Variants in INPP5J observed in about 807,000 individuals in gnomAD.
The protein encoded by INPP5J is phosphatidylinositol 4,5-bisphosphate 5-phosphatase A.
A neutral mutation model predicts 86.6 loss-of-function variants in INPP5J; 75 were observed. The ratio of observed to expected loss-of-function variants is 0.87; its 90% CI spans 0.72 to 1.05. The LOEUF is 1.05. Among genes scored for constraint, INPP5J ranks in the 50% least tolerant of loss-of-function variants. INPP5J has a pLI of 0.00. For synonymous variants in INPP5J, 540 were observed against 550.0 expected, an observed-to-expected ratio of 0.98 and a Z score of 0.25; for missense variants, 1,229 against 1,341.2, an observed-to-expected ratio of 0.92 and a Z score of 1.31.
intron 9 of INPP5J, among the ~76,000 whole-genome samples, chr22:31,129,186 T>A (rs924539631): frequency 3.5e-5 from 5 of 142,792 alleles, no homozygotes; most frequent in African/African-American, 1.3e-4. Flanking sequence ...CACCTTGGCC[T>A]CCCAAAGTGC....
In INPP5J at chr22:31,125,820, T is replaced by G. The variant is rs1395958083; in HGVS notation, c.1081T>G (p.Cys361Gly). The G allele has an allele frequency of 1.9e-6, 3 of 1,602,768 alleles. No homozygotes were observed. The African/African-American group carries it at 4.0e-5, about 22-fold the overall frequency. The change falls in exon 2 of 13, where the codon TGT becomes GGT. Residue 361 changes from cysteine to glycine, a missense_variant. Physicochemically the swap from Cys to Gly is radical, Grantham distance 159. Coordinates refer to ENST00000331075, the MANE Select transcript of INPP5J (RefSeq NM_001284285.2). ...SPSHSPNRSP[C>G]VPPAPDMALP... ...AAGCCACTCCCCGAATCGCTCTCCCTGTGTTCCCCCAGCCCCTGACATGGC... is the reference window on the plus strand; with the variant it reads ...AAGCCACTCCCCGAATCGCTCTCCCGGTGTTCCCCCAGCCCCTGACATGGC...
Position 31,133,192 on chromosome 22 carries a change from C to G in INPP5J, c.2288C>G (p.Thr763Arg), listed in dbSNP as rs1345485935. The change falls in exon 10 of 13, where the codon ACA becomes AGA. Residue 763 changes from threonine (T) to arginine (R), a missense_variant. Transcript: ENST00000331075. The stretch of plus-strand genomic sequence containing the variant: ...GCGGTGGTGAGGTACCGCATGGAAA[C>G]AGTGTTCGCCCGCAGCTCCTGGGAC... ...EQAVVRYRME[T>R]VFARSSWDWI... 3.7e-6 allele frequency: 6 copies of G among 1,600,442 alleles called. No individual in the cohort carries two copies. The highest frequency in any genetic ancestry group is 5.1e-6 in the Non-Finnish European group (6 of 1,174,418).
chr22:31,126,836 G>A, intron 4 of INPP5J, 85 bp from the exon 5 acceptor site: 1 of 1,404,982 alleles, frequency 7.1e-7, no homozygotes, highest in Admixed American at 1.7e-5. Context: ...CCGTGACATG[G>A]GTGGGTGGAG....
chr22:31,127,473 G>C lies in INPP5J; in HGVS notation c.1728G>C (p.Gln576His). ...CGGAGCAGCGCAAAGACAACTTCCAGACCATCCTCAGCCTCCAGCAGTTCC... is the reference window on the plus strand; with the variant it reads ...CGGAGCAGCGCAAAGACAACTTCCACACCATCCTCAGCCTCCAGCAGTTCC... ...DKAEQRKDNFQTILSLQQFQG... is the reference protein window; with the variant it reads ...DKAEQRKDNFHTILSLQQFQG... Residue 576 changes from glutamine (Q) to histidine (H), a missense_variant, in exon 6 of 13, where the codon CAG (glutamine) becomes CAC (histidine). Physicochemically the swap from Gln to His is conservative, Grantham distance 24. Coordinates refer to ENST00000331075, the MANE Select transcript of INPP5J (RefSeq NM_001284285.2). 1 of 1,613,826 alleles carries C rather than the reference G, an allele frequency of 6.2e-7. No homozygotes were observed. The highest frequency in any genetic ancestry group is 2.2e-5 in the East Asian group (1 of 44,866).
intron 1 of INPP5J, chr22:31,124,121 C>A: frequency 4.1e-6 from 1 of 244,908 alleles, no homozygotes; most frequent in Non-Finnish European, 6.5e-6. Context: ...GAACCCTAGA[C>A]CCCATCCCTT....
In INPP5J at chr22:31,125,587, C is replaced by G. The variant is rs1187016254; in HGVS notation, c.848C>G (p.Ala283Gly). Residue 283 changes from alanine to glycine, a missense_variant, in exon 2 of 13, where the codon GCC becomes GGC. Coordinates refer to ENST00000331075, the MANE Select transcript of INPP5J (RefSeq NM_001284285.2). Reference protein sequence around the residue: ...PDPRLSPSFRARPEALHSSPE... With the variant: ...PDPRLSPSFRGRPEALHSSPE... The stretch of plus-strand genomic sequence containing the variant: ...CCTCGGCTCTCCCCCTCCTTCCGAG[C>G]CCGGCCTGAGGCCCTCCACAGCAGC... 2 of 1,550,424 alleles carry G rather than the reference C, an allele frequency of 1.3e-6. No individual in the cohort carries two copies. The highest frequency in any genetic ancestry group is 2.7e-5 in the African/African-American group (2 of 73,042).
At chr22:31,128,355 A>G (rs374540168) in intron 8 of INPP5J, 32 bp downstream of exon 8, 8 of 1,566,192 alleles carry the variant, frequency 5.1e-6, no homozygotes, top group Admixed American at 1.9e-5. Flanking sequence ...ACTGAGGGGA[A>G]GTGGGCTGAG....
rs368818700 is a variant in INPP5J, at chr22:31,127,565, G to A, written c.1787+33G>A. On this transcript the variant is annotated intron_variant, in intron 6 of 12. Coordinates refer to ENST00000331075, the MANE Select transcript of INPP5J (RefSeq NM_001284285.2). The stretch of plus-strand genomic sequence containing the variant: ...CTGGGGTGGGGCCAAATAGAGCTTG[G>A]GTGGGGCTAGTGATGGGGGTTTTTG... 4.3e-5 allele frequency: 68 copies of A among 1,589,722 alleles called. No homozygotes were observed. In the African/African-American group the frequency reaches 7.8e-4, roughly 18 times the overall value.
At chr22:31,124,042 C>G (rs1190468479) in intron 1 of INPP5J, 1 of 153,088 alleles carries the variant, frequency 6.5e-6, no homozygotes, top group Admixed American at 6.5e-5. Context: ...AGATGGAATT[C>G]TAGCAAATGT....
At position 31,133,644 on chromosome 22, in the gene INPP5J, A is replaced by G. The variant is rs1922298511; in HGVS notation, c.2444A>G (p.His815Arg). The change falls in exon 12 of 13, where the codon CAT becomes CGT. Residue 815 changes from histidine to arginine, a missense_variant. By Grantham distance (29) the His-to-Arg change is conservative (BLOSUM62 0). Transcript: ENST00000331075. ...AGTGAGGAATCACTGCCCAAGGGCC[A>G]TGGAGACTTCATCCTGGGCTACTAT... ...TFSEESLPKG[H>R]GDFILGYYSH... 1.3e-5 allele frequency: 21 copies of G among 1,612,876 alleles called. No individual in the cohort carries two copies. The highest frequency in any genetic ancestry group is 1.7e-5 in the Non-Finnish European group (20 of 1,179,528).
chr22:31,128,936 T>TC (rs1176219043), intron 9 of INPP5J, among the ~76,000 whole-genome samples: 75 of 144,510 alleles, frequency 5.2e-4, no homozygotes, highest in African/African-American at 1.9e-3. Flanking sequence ...TCTTTTTTTT[T>TC]TTTTTTTTTT....
intron 4 of INPP5J, 57 bp downstream of exon 4, chr22:31,126,778 G>A: frequency 6.6e-7 from 1 of 1,523,964 alleles, no homozygotes. Context: ...CCTGGCTCCA[G>A]CTGTACCCTG....
intron 4 of INPP5J, 77 bp downstream of exon 4, chr22:31,126,798 G>GAGGCCCAGC: frequency 6.9e-7 from 1 of 1,456,390 alleles, no homozygotes; most frequent in Non-Finnish European, 9.6e-7. Context: ...GGCTCACTGT[G>GAGGCCCAGC]GGGCCCGCTG....
rs1272515527 is a variant in INPP5J at position 31,134,338 on chromosome 22, T to A, written c.2940T>A (p.Asp980Glu). 1 of 1,544,928 alleles carries A rather than the reference T, an allele frequency of 6.5e-7. No homozygotes were observed. The highest frequency in any genetic ancestry group is 8.7e-7 in the Non-Finnish European group (1 of 1,145,574). Residue 980 changes from aspartate (D) to glutamate (E), a missense_variant, in exon 13 of 13, where the codon GAT becomes GAA. Coordinates refer to ENST00000331075, the MANE Select transcript of INPP5J (RefSeq NM_001284285.2). Reference sequence around the variant, plus strand: ...GTGGTGGTGGCTCCTGGGGACCTGATCGGGAGGCCCTGGCGCCCAACAGCC... The same window carrying A: ...GTGGTGGTGGCTCCTGGGGACCTGAACGGGAGGCCCTGGCGCCCAACAGCC... The part of the protein sequence containing the change: ...DPGGGGSWGP[D>E]REALAPNSLS...
chr22:31,129,344 G>C (rs1359499065), intron 9 of INPP5J, among the ~76,000 whole-genome samples: 1 of 148,246 alleles, frequency 6.7e-6, no homozygotes, highest in Non-Finnish European at 1.5e-5. Flanking sequence ...GGGTCCAAGC[G>C]ATTCTCCCGT....
At position 31,128,319 on chromosome 22, in the gene INPP5J, A is replaced by G. The variant is rs1398931567; in HGVS notation, c.2005A>G (p.Thr669Ala). The G allele has an allele frequency of 3.1e-6, 5 of 1,590,618 alleles. No individual in the cohort carries two copies. The highest frequency in any genetic ancestry group is 4.3e-6 in the Non-Finnish European group (5 of 1,167,854). The change falls in exon 8 of 13, where the codon ACC (threonine) becomes GCC (alanine). Residue 669 changes from threonine to alanine, a missense_variant. Transcript: ENST00000331075. ...TGATGTGGGTACCAACAAATACGAT[A>G]CCAGGTGAGCTCAGTCCGAGGAGGG... Reference protein sequence around the residue: ...KFDVGTNKYDTSAKKRKPAWT... With the variant: ...KFDVGTNKYDASAKKRKPAWT...
Position 31,133,441 on chromosome 22 carries a change from T to A in INPP5J, c.2367T>A (p.Tyr789Ter). The stretch of plus-strand genomic sequence containing the variant: ...GCCATTGCAAGGACTATGTGGCTTA[T>A]GTCTGGGCCAAACATGAAGATGTGG... ...GFRHCKDYVA[Y>*]VWAKHEDVDG... is the part of the protein sequence containing the mutation. Residue 789 changes from tyrosine (Y) to a stop codon, truncating the protein, a stop_gained, in exon 11 of 13, where the codon TAT becomes TAA. Coordinates refer to ENST00000331075, the MANE Select transcript of INPP5J (RefSeq NM_001284285.2). LOFTEE classifies it high-confidence loss of function. The A allele has an allele frequency of 6.2e-7, 1 of 1,613,970 alleles. No homozygotes were observed. The highest frequency in any genetic ancestry group is 8.5e-7 in the Non-Finnish European group (1 of 1,179,868).
rs184051912 is a variant in INPP5J at position 31,132,482 on chromosome 22, A to G, written c.2194-616A>G. On this transcript the variant is annotated intron_variant, in intron 9 of 12. Transcript: ENST00000331075. ...TGGCCGGGCACGGTGGCTCATGCCT[A>G]TAATCCCAGCACTTTGGGAGGCTGA... is the stretch of plus-strand genomic sequence containing the variant. Among the ~76,000 whole-genome samples, 699 of 152,236 alleles carry G rather than the reference A, an allele frequency of 4.6e-3. 6 individuals carry two copies. Among genetic ancestry groups the G allele is most frequent in the African/African-American group, 0.017 (688 of 41,540 alleles).
In INPP5J at chr22:31,126,928, C is replaced by T. The variant is rs762702897; in HGVS notation, c.1502C>T (p.Ser501Leu). Residue 501 changes from serine to leucine, a missense_variant, in exon 5 of 13, where the codon TCG (serine) becomes TTG (leucine). Ser to Leu is a moderately radical substitution (Grantham distance 145). Transcript: ENST00000331075. ...CGTGGCCTCCCGCTGCAGGTGAGTT[C>T]GGTGAGGATGCAGGGTGTCATCCTG... ...LGPFNFVLVS[S>L]VRMQGVILLL... 12 of 1,607,336 alleles carry T rather than the reference C, an allele frequency of 7.5e-6. No homozygotes were observed. Among genetic ancestry groups the T allele is most frequent in the East Asian group, 2.2e-5 (1 of 44,582 alleles).
Sources: allele counts gnomAD v4.1 joint callset (sites outside exome capture counted in the v4.1 genomes callset), GRCh38; gene constraint gnomAD v4.1.1; transcripts MANE v1.5; gene names NCBI Gene and HGNC (gene_info 2026-07-23, HGNC 2026-07-21).